Variants in MYRFL observed in about 807,000 individuals in gnomAD.
MYRFL encodes myelin regulatory factor like.
MYRFL carries 88 observed loss-of-function variants against 109.4 expected under a neutral mutation model. The observed-to-expected ratio is 0.80, with a 90% CI of 0.68 to 0.96. The LOEUF is 0.96. MYRFL is among the 40% of genes least tolerant of loss of function. The pLI, the probability that MYRFL is intolerant of heterozygous loss-of-function variation, is 0.00. For synonymous variants in MYRFL, 324 were observed against 320.9 expected (o/e 1.01, Z -0.10); for missense variants, 957 against 954.9 (o/e 1.00, Z -0.03).
At chr12:69,888,335 T>C (rs919913336) in intron 6 of MYRFL, among the ~76,000 whole-genome samples, 3 of 152,218 alleles carry the variant, frequency 2.0e-5, no homozygotes, top group Non-Finnish European at 4.4e-5. Context: ...TCACTATTTA[T>C]ATCAATGAGA....
chr12:69,883,917 A>G (rs1389081566), intron 5 of MYRFL, among the ~76,000 whole-genome samples: 1 of 152,114 alleles, frequency 6.6e-6, no homozygotes, highest in African/African-American at 2.4e-5. Flanking sequence ...ACAAGAGTAT[A>G]TATTACATCA....
intron 1 of MYRFL, among the ~76,000 whole-genome samples, chr12:69,835,732 C>G (rs902314492): frequency 5.3e-5 from 8 of 152,136 alleles, no homozygotes; most frequent in Non-Finnish European, 1.0e-4. Flanking sequence ...GAAGAGGTTC[C>G]CTTGTCCCCC....
At chr12:69,837,215 C>G (rs1027708372) in intron 1 of MYRFL, among the ~76,000 whole-genome samples, 3 of 152,158 alleles carry the variant, frequency 2.0e-5, no homozygotes, top group Non-Finnish European at 2.9e-5. Context: ...CATTAGCTTC[C>G]GTATTCTAGA....
At chr12:69,943,562 C>T (rs1338597325) in intron 19 of MYRFL, among the ~76,000 whole-genome samples, 3 of 151,370 alleles carry the variant, frequency 2.0e-5, no homozygotes, top group South Asian at 2.1e-4. Flanking sequence ...ACATGTTAGA[C>T]CTAAAACCAT....
At chr12:69,911,953 A>G (rs972255568) in intron 13 of MYRFL, among the ~76,000 whole-genome samples, 5 of 152,222 alleles carry the variant, frequency 3.3e-5, no homozygotes, top group Non-Finnish European at 5.9e-5. Context: ...AGATCCTGCA[A>G]TTCCAACCAG....
intron 1 of MYRFL, among the ~76,000 whole-genome samples, chr12:69,835,924 C>T (rs1449324207): frequency 6.6e-6 from 1 of 152,168 alleles, no homozygotes; most frequent in African/African-American, 2.4e-5. Context: ...TTTAGTTTTG[C>T]CGTCTATAGG....
At chr12:69,853,010 T>C (rs1022559917) in intron 1 of MYRFL, among the ~76,000 whole-genome samples, 8 of 152,252 alleles carry the variant, frequency 5.3e-5, no homozygotes, top group Non-Finnish European at 1.0e-4. Flanking sequence ...CCGTAACATC[T>C]GATTTCTCTT....
chr12:69,863,262 C>A (rs1240232), intron 2 of MYRFL, among the ~76,000 whole-genome samples: 37,775 of 152,076 alleles, frequency 0.25, 5,458 homozygotes, highest in Middle Eastern at 0.38. Flanking sequence ...ATGCTGGCCT[C>A]ATAAAATGTG....
intron 2 of MYRFL, among the ~76,000 whole-genome samples, chr12:69,863,672 T>C (rs1460739592): frequency 6.6e-6 from 1 of 152,214 alleles, no homozygotes; most frequent in Non-Finnish European, 1.5e-5. Flanking sequence ...AACACTCATG[T>C]ATATGTTGAG....
intron 19 of MYRFL, among the ~76,000 whole-genome samples, chr12:69,940,004 A>G (rs1157274982): frequency 6.0e-5 from 9 of 150,894 alleles, no homozygotes; most frequent in Admixed American, 6.6e-5. Flanking sequence ...TTTAGAGAAA[A>G]AAGAATAAAA....
chr12:69,891,682 T>TTTCTTTCTTTCG (rs1277296623), intron 7 of MYRFL, among the ~76,000 whole-genome samples: 2,080 of 101,330 alleles, frequency 0.021, 83 homozygotes, highest in East Asian at 0.037. Flanking sequence ...TCTTTCTTTC[T>TTTCTTTCTTTCG]TTCGTTCGTT....
At chr12:69,943,142 A>T (rs1955717497) in intron 19 of MYRFL, among the ~76,000 whole-genome samples, 1 of 151,746 alleles carries the variant, frequency 6.6e-6, no homozygotes, top group African/African-American at 2.4e-5. Context: ...CATCCCCATC[A>T]AGCTACCAAT....
chr12:69,840,189 T>C (rs1883165236), intron 1 of MYRFL, among the ~76,000 whole-genome samples: 1 of 152,232 alleles, frequency 6.6e-6, no homozygotes, highest in African/African-American at 2.4e-5. Context: ...TTCTACTATA[T>C]TGTACCTTGC....
intron 22 of MYRFL, among the ~76,000 whole-genome samples, chr12:69,955,997 T>C (rs1431882024): frequency 1.3e-5 from 2 of 152,154 alleles, no homozygotes; most frequent in Non-Finnish European, 2.9e-5. Flanking sequence ...CATGACACCA[T>C]AGCACATAGA....
At chr12:69,831,718 C>G (rs1592673559) in intron 1 of MYRFL, among the ~76,000 whole-genome samples, 4 of 152,120 alleles carry the variant, frequency 2.6e-5, no homozygotes, top group African/African-American at 7.2e-5. Flanking sequence ...ATCAAGGCAG[C>G]CCTGGGGGAT....
chr12:69,886,961 A>T lies in MYRFL; in HGVS notation c.698A>T (p.Tyr233Phe), dbSNP rs193023090. The T allele has an allele frequency of 3.3e-6, 5 of 1,535,864 alleles. No individual in the cohort carries two copies. The highest frequency in any genetic ancestry group is 3.9e-5 in the Admixed American group (2 of 50,988). ...VPWHSLLNSH[Y>F]EKLPDVGYRV... ...TGGCACAGCTTATTAAACAGTCATT[A>T]TGAAAAACTGTAAGTGGCTTGAGTG... Residue 233 changes from tyrosine to phenylalanine, a missense_variant, in exon 6 of 25, where the codon TAT becomes TTT. By Grantham distance (22) the Tyr-to-Phe change is conservative. Transcript: ENST00000552032.
intron 13 of MYRFL, among the ~76,000 whole-genome samples, chr12:69,923,863 A>C (rs1413821634): frequency 6.6e-6 from 1 of 152,088 alleles, no homozygotes; most frequent in Non-Finnish European, 1.5e-5. Context: ...GATGTTTTTA[A>C]AAATTTTGTT....
At chr12:69,862,704 A>G (rs1884763366) in intron 2 of MYRFL, among the ~76,000 whole-genome samples, 1 of 152,078 alleles carries the variant, frequency 6.6e-6, no homozygotes. Flanking sequence ...AACAGGGACA[A>G]TCTGACTTCC....
rs1305748872 is a variant in MYRFL, at chr12:69,879,258, C to G, written c.269C>G (p.Thr90Arg). 1.0e-5 allele frequency: 7 copies of G among 702,816 alleles called. No individual in the cohort carries two copies. In the East Asian group the frequency reaches 1.3e-4, roughly 13 times the overall value. 43.5% of individuals were successfully genotyped at this position (702,816 alleles called of 1,614,324 possible). A position where few individuals can be genotyped will look rare whatever the true frequency, so the allele number is the denominator to read the frequency against. ...GRTPAPFLHP[T>R]AAPAMPPMHP... The stretch of plus-strand genomic sequence containing the variant: ...ACTCCAGCTCCTTTTCTCCACCCCA[C>G]AGCTGCTCCTGCGATGCCGCCCATG... The change falls in exon 4 of 25, where the codon ACA becomes AGA. Residue 90 changes from threonine to arginine, a missense_variant. Coordinates refer to ENST00000552032, the MANE Select transcript of MYRFL (RefSeq NM_182530.3).
Sources: gnomAD v4.1 joint callset for allele counts (sites outside exome capture counted in the v4.1 genomes callset) on GRCh38, gnomAD v4.1.1 for gene constraint, MANE v1.5 for transcripts, NCBI Gene and HGNC (gene_info 2026-07-23, HGNC 2026-07-21) for gene names.